Variants in SYK observed in about 807,000 individuals in gnomAD.
The protein encoded by SYK is spleen associated tyrosine kinase, also known as tyrosine-protein kinase SYK.
Under a neutral mutation model 77.8 loss-of-function variants are expected in SYK, and 16 were observed. The observed-to-expected ratio is 0.21, with a 90% CI of 0.14 to 0.31. The LOEUF (loss-of-function observed/expected upper bound fraction) is 0.31. Among genes scored for constraint, SYK ranks in the 10% least tolerant of loss-of-function variants. SYK has a pLI of 1.00. For missense variants in SYK, 529 were observed against 814.4 expected (o/e 0.65, Z 4.26); for synonymous variants, 312 against 308.7 (o/e 1.01, Z -0.11).
chr9:90,820,920 G>A lies in SYK; in HGVS notation c.-42+19027G>A, dbSNP rs184440754. Among the ~76,000 whole-genome samples, 3 of 150,360 alleles carry A rather than the reference G, an allele frequency of 2.0e-5. No homozygotes were observed. The East Asian group carries it at 5.9e-4, about 29-fold the overall frequency. On this transcript the variant is annotated intron_variant, in intron 1 of 13. Coordinates refer to ENST00000375754, the MANE Select transcript of SYK (RefSeq NM_003177.7). ...ACAGTCCCCAAGTCACCTCTTGAAT[G>A]CTTTGCCTGCTTAGAAATTTCTTCT...
intron 3 of SYK, among the ~76,000 whole-genome samples, chr9:90,848,553 C>T (rs892402140): frequency 6.6e-6 from 1 of 152,228 alleles, no homozygotes. Context: ...TGCTGGATGT[C>T]CTCACTGAGC....
chr9:90,821,034 C>T (rs889898615), intron 1 of SYK, among the ~76,000 whole-genome samples: 7 of 152,162 alleles, frequency 4.6e-5, no homozygotes, highest in African/African-American at 1.7e-4. Context: ...TTTGCTAAAA[C>T]ATAACAAGAG....
intron 2 of SYK, among the ~76,000 whole-genome samples, chr9:90,844,644 C>A (rs1826513630): frequency 6.6e-6 from 1 of 152,216 alleles, no homozygotes; most frequent in Non-Finnish European, 1.5e-5. Context: ...AAGGTCCTAC[C>A]ATACACACTG....
intron 3 of SYK, 104 bp downstream of exon 3, chr9:90,845,698 G>A: frequency 7.3e-7 from 1 of 1,368,978 alleles, no homozygotes; most frequent in Non-Finnish European, 1.0e-6. Flanking sequence ...CCTGGGAAGA[G>A]GCCATGCATT....
At chr9:90,812,739 A>ATATGTGTGTGTGTG (rs1554704327) in intron 1 of SYK, among the ~76,000 whole-genome samples, 3,315 of 93,588 alleles carry the variant, frequency 0.035, 45 homozygotes, top group Middle Eastern at 0.043. Flanking sequence ...TCCCCATTTG[A>ATATGTGTGTGTGTG]TATGTGTGTG....
chr9:90,864,975 G>A (rs1456707359), intron 5 of SYK, 73 bp from the exon 6 acceptor site: 1 of 1,424,662 alleles, frequency 7.0e-7, no homozygotes, highest in African/African-American at 1.4e-5. Context: ...CTCATTGATT[G>A]ATCTGCAGTG....
chr9:90,853,638 G>A (rs1021929177), intron 3 of SYK, among the ~76,000 whole-genome samples: 2 of 151,996 alleles, frequency 1.3e-5, no homozygotes, highest in African/African-American at 2.4e-5. Flanking sequence ...AACAAACACC[G>A]CATGTTCTCA....
chr9:90,897,962 C>T lies in SYK; in HGVS notation c.*2362C>T, dbSNP rs1829055868. On this transcript the variant is annotated 3_prime_UTR_variant, in exon 14 of 14. Transcript: ENST00000375754. Reference sequence around the variant, plus strand: ...TGAAGGATTGGTCATGTGAAAAGGGCTACATTTGGGAAGCTGGGAAAGGCC... The same window carrying T: ...TGAAGGATTGGTCATGTGAAAAGGGTTACATTTGGGAAGCTGGGAAAGGCC... 1 of 229,040 alleles carries T rather than the reference C, an allele frequency of 4.4e-6. No individual in the cohort carries two copies. The highest frequency in any genetic ancestry group is 1.8e-4 in the South Asian group (1 of 5,494). 14.2% of individuals were successfully genotyped at this position (229,040 alleles called of 1,614,324 possible).
In SYK at chr9:90,862,210, C is replaced by T. The variant is rs527998939; in HGVS notation, c.583C>T (p.Arg195Ter). The change falls in exon 4 of 14, where the codon CGA becomes TGA. Residue 195 changes from arginine (R) to a stop codon, truncating the protein, a stop_gained. Transcript: ENST00000375754. LOFTEE classifies it high-confidence loss of function. Reference sequence around the variant, plus strand: ...CAGTTCCATCCTCTCTTCTAGGATCCGAGCCAGAGACAACAACGGCTCCTA... The same window carrying T: ...CAGTTCCATCCTCTCTTCTAGGATCTGAGCCAGAGACAACAACGGCTCCTA... ...GSKTNGKFLI[R>*]ARDNNGSYAL... The T allele has an allele frequency of 1.9e-6, 3 of 1,610,726 alleles. No homozygotes were observed. Among genetic ancestry groups the T allele is most frequent in the Non-Finnish European group, 1.7e-6 (2 of 1,177,972 alleles).
chr9:90,861,915 A>G (rs1827279662), intron 3 of SYK, among the ~76,000 whole-genome samples: 1 of 152,196 alleles, frequency 6.6e-6, no homozygotes, highest in African/African-American at 2.4e-5. Flanking sequence ...ACCACTGCCC[A>G]GAGCTCCTGG....
intron 1 of SYK, among the ~76,000 whole-genome samples, chr9:90,811,877 G>A (rs894012200): frequency 6.7e-6 from 1 of 149,512 alleles, no homozygotes; most frequent in South Asian, 2.1e-4. Context: ...AGTGAGCTGA[G>A]ATCATGCCAC....
chr9:90,829,122 C>T (rs1020207961), intron 1 of SYK, among the ~76,000 whole-genome samples: 2 of 152,136 alleles, frequency 1.3e-5, no homozygotes, highest in Admixed American at 1.3e-4. Context: ...AACCCTGTCT[C>T]TACTAAAAAT....
intron 13 of SYK, among the ~76,000 whole-genome samples, chr9:90,889,143 G>C (rs1027968136): frequency 1.3e-5 from 2 of 152,220 alleles, no homozygotes; most frequent in South Asian, 4.1e-4. Flanking sequence ...GCCGTCATAC[G>C]TCTCGCTTAG....
At position 90,814,129 on chromosome 9, in the gene SYK, G is replaced by C. The variant is rs139309701; in HGVS notation, c.-42+12236G>C. On this transcript the variant is annotated intron_variant, in intron 1 of 13. Coordinates refer to ENST00000375754, the MANE Select transcript of SYK (RefSeq NM_003177.7). ...ATATATCAGATATGACTTGGATATA[G>C]TCAACTAGATATTTAGTGAAAAATG... Among the ~76,000 whole-genome samples the C allele has an allele frequency of 1.9e-4, 28 of 149,472 alleles. No individual in the cohort carries two copies. In the East Asian group the frequency reaches 5.4e-3, roughly 29 times the overall value.
chr9:90,840,269 G>A (rs1435317100), intron 1 of SYK, among the ~76,000 whole-genome samples: 1 of 152,170 alleles, frequency 6.6e-6, no homozygotes, highest in Non-Finnish European at 1.5e-5. Context: ...GATTGCAGGA[G>A]CAGCAGCGTC....
intron 1 of SYK, among the ~76,000 whole-genome samples, chr9:90,819,388 C>T (rs1208247148): frequency 6.6e-6 from 1 of 152,124 alleles, no homozygotes; most frequent in Non-Finnish European, 1.5e-5. Context: ...GTTCATTTTC[C>T]CACTGCTGAT....
rs138149951 is a variant in SYK at position 90,886,345 on chromosome 9, C to G, written c.1582-1404C>G. On this transcript the variant is annotated intron_variant, in intron 11 of 13. Transcript: ENST00000375754. ...TGCAGATGCAGGAAAAAAAGGAACT[C>G]TTATACACTGTTTGTGGGAATGTAA... Among the ~76,000 whole-genome samples, 980 of 152,290 alleles carry G rather than the reference C, an allele frequency of 6.4e-3. 5 individuals are homozygous for G. The highest frequency in any genetic ancestry group is 0.027 in the Middle Eastern group (8 of 294).
chr9:90,825,766 G>C (rs1226028256), intron 1 of SYK, among the ~76,000 whole-genome samples: 3 of 152,216 alleles, frequency 2.0e-5, no homozygotes, highest in African/African-American at 7.2e-5. Context: ...GGAAAAGGAT[G>C]TTATGTGGTT....
intron 7 of SYK, among the ~76,000 whole-genome samples, chr9:90,871,115 A>G (rs1827711571): frequency 1.3e-5 from 2 of 152,248 alleles, no homozygotes; most frequent in African/African-American, 4.8e-5. Flanking sequence ...ATAATTTATA[A>G]CTGGACTTAT....
Sources: allele counts gnomAD v4.1 joint callset (sites outside exome capture counted in the v4.1 genomes callset), GRCh38; gene constraint gnomAD v4.1.1; transcripts MANE v1.5; gene names NCBI Gene and HGNC (gene_info 2026-07-23, HGNC 2026-07-21).